PTPRN2: variants seen among roughly 807,000 people sequenced by gnomAD.
The protein encoded by PTPRN2 is protein tyrosine phosphatase receptor type N2, also known as receptor-type tyrosine-protein phosphatase N2.
In PTPRN2, 74 loss-of-function variants were observed where a neutral mutation model predicts 118.8. The ratio of observed to expected loss-of-function variants is 0.62; its 90% CI spans 0.52 to 0.76. The LOEUF (loss-of-function observed/expected upper bound fraction) is 0.76. PTPRN2 is among the 30% of genes least tolerant of loss of function. The pLI is 0.00. For synonymous variants in PTPRN2, 641 were observed against 608.0 expected (o/e 1.05, Z -0.80); for missense variants, 1,481 against 1,394.4 (o/e 1.06, Z -0.99).
At chr7:157,911,767 T>C (rs1476475824) in intron 11 of PTPRN2, among the ~76,000 whole-genome samples, 1 of 152,218 alleles carries the variant, frequency 6.6e-6, no homozygotes, top group East Asian at 1.9e-4. Context: ...TTTCTGTATG[T>C]AGACTTTTTT....
chr7:157,703,562 TAGCAACGTCA>T (rs974505468), intron 12 of PTPRN2, among the ~76,000 whole-genome samples: 4 of 152,288 alleles, frequency 2.6e-5, no homozygotes, highest in African/African-American at 7.2e-5. Flanking sequence ...CTACTGGAGC[TAGCAACGTCA>T]AGCCGTCCAG....
At chr7:158,326,033 G>A (rs1290799615) in intron 2 of PTPRN2, among the ~76,000 whole-genome samples, 2 of 152,192 alleles carry the variant, frequency 1.3e-5, no homozygotes, top group Non-Finnish European at 2.9e-5. Flanking sequence ...AAACAGCAAC[G>A]TTGCAGGGCT....
intron 3 of PTPRN2, among the ~76,000 whole-genome samples, chr7:158,210,738 A>G (rs1446388638): frequency 6.6e-6 from 1 of 152,176 alleles, no homozygotes; most frequent in African/African-American, 2.4e-5. Context: ...AAATTCCTAG[A>G]CACATAGAAT....
chr7:157,865,855 G>A (rs900301242), intron 12 of PTPRN2: 3 of 152,280 alleles, frequency 2.0e-5, no homozygotes, highest in African/African-American at 7.2e-5. Context: ...CAGAGGAGCA[G>A]ACGGGAGGGC....
At chr7:158,071,022 GTGGAGGTGCTCTTAGTA>G (rs1367335102) in intron 11 of PTPRN2, among the ~76,000 whole-genome samples, 12 of 96,172 alleles carry the variant, frequency 1.2e-4, no homozygotes, top group East Asian at 1.2e-3. Flanking sequence ...GGTGCTCGTG[GTGGAGGTGCTCTTAGTA>G]TGGAGGTGCT....
Position 158,338,273 on chromosome 7 carries a change from A to C in PTPRN2, c.164-21341T>G, listed in dbSNP as rs1463173424. Reference sequence around the variant, plus strand: ...TCACTCACACCCACACTCTCACCATAAGCGCTGACACCTGCTGACGTCACT... The same window carrying C: ...TCACTCACACCCACACTCTCACCATCAGCGCTGACACCTGCTGACGTCACT... On this transcript the variant is annotated intron_variant, in intron 2 of 22. Transcript: ENST00000389418. 2.0e-4 allele frequency among the ~76,000 whole-genome samples: 15 copies of C among 74,786 alleles called. 2 individuals are homozygous for C. Among genetic ancestry groups the C allele is most frequent in the African/African-American group, 9.7e-4 (15 of 15,468 alleles). 49.1% of individuals were successfully genotyped at this position (74,786 alleles called of 152,430 possible).
At chr7:158,108,536 C>G (rs1455765269) in intron 10 of PTPRN2, among the ~76,000 whole-genome samples, 2 of 152,234 alleles carry the variant, frequency 1.3e-5, no homozygotes, top group East Asian at 3.9e-4. Context: ...TGTCCCTCCA[C>G]ATCTTTCCTG....
chr7:157,980,781 G>A (rs142544746), intron 11 of PTPRN2, among the ~76,000 whole-genome samples: 216 of 152,248 alleles, frequency 1.4e-3, no homozygotes, highest in Middle Eastern at 3.4e-3. Flanking sequence ...AAGATACTAC[G>A]TGATTGTATT....
At chr7:158,012,747 T>C (rs1806140655) in intron 11 of PTPRN2, among the ~76,000 whole-genome samples, 1 of 152,180 alleles carries the variant, frequency 6.6e-6, no homozygotes, top group Non-Finnish European at 1.5e-5. Flanking sequence ...GGCCATCACA[T>C]CTGCATTCCA....
intron 12 of PTPRN2, among the ~76,000 whole-genome samples, chr7:157,707,526 A>G (rs1008158911): frequency 5.3e-5 from 8 of 152,190 alleles, no homozygotes; most frequent in South Asian, 2.1e-4. Flanking sequence ...AGCTTCAGGG[A>G]AGACTTGATC....
chr7:157,926,447 A>C (rs1350167216), intron 11 of PTPRN2, among the ~76,000 whole-genome samples: 2 of 152,256 alleles, frequency 1.3e-5, no homozygotes, highest in African/African-American at 4.8e-5. Flanking sequence ...AATGCATCTC[A>C]TCAAATTCTG....
chr7:157,543,632 A>G (rs147953620), intron 22 of PTPRN2, among the ~76,000 whole-genome samples: 1 of 152,362 alleles, frequency 6.6e-6, no homozygotes, highest in Non-Finnish European at 1.5e-5. Flanking sequence ...GCTTATGTTT[A>G]TATTTGTAAT....
At chr7:157,639,812 A>G (rs1585151706) in intron 14 of PTPRN2, among the ~76,000 whole-genome samples, 1 of 152,272 alleles carries the variant, frequency 6.6e-6, no homozygotes, top group East Asian at 1.9e-4. Context: ...GTGTGCTCAC[A>G]CCACAGGAAT....
chr7:157,696,078 C>T (rs2707928), intron 12 of PTPRN2, among the ~76,000 whole-genome samples: 1 of 138,230 alleles, frequency 7.2e-6, no homozygotes, highest in Non-Finnish European at 1.6e-5. Context: ...CACCATCTAC[C>T]CATGCATACT....
chr7:158,335,531 C>A (rs1805390927), intron 2 of PTPRN2, among the ~76,000 whole-genome samples: 1 of 41,892 alleles, frequency 2.4e-5, no homozygotes, highest in African/African-American at 8.9e-5. Flanking sequence ...TAAGAGTTGA[C>A]ACCTGCAGAT....
intron 13 of PTPRN2, among the ~76,000 whole-genome samples, chr7:157,681,957 C>T (rs557031000): frequency 1.3e-5 from 2 of 152,282 alleles, no homozygotes; most frequent in South Asian, 4.1e-4. Context: ...AATATCTTCT[C>T]GGAATTAAAT....
At position 157,617,865 on chromosome 7, in the gene PTPRN2, T is replaced by C. The variant is rs1020704676; in HGVS notation, c.2344+3497A>G. On this transcript the variant is annotated intron_variant, in intron 15 of 22. Transcript: ENST00000389418. The surrounding 1 kb of genome is among the most constrained non-coding windows in gnomAD (Gnocchi z 7.5). ...CTCTGCATTGTTTGTCCTGGTTCTC[T>C]CTCTCTCTCTCGTTATTACAACATA... is the stretch of plus-strand genomic sequence containing the variant. The C allele has an allele frequency of 3.3e-5, 5 of 152,278 alleles. No individual in the cohort carries two copies. Among genetic ancestry groups the C allele is most frequent in the African/African-American group, 1.2e-4 (5 of 41,470 alleles). 9.4% of individuals were successfully genotyped at this position (152,278 alleles called of 1,614,324 possible).
At chr7:158,576,797 C>G (rs1474540016) in intron 1 of PTPRN2, among the ~76,000 whole-genome samples, 8 of 147,648 alleles carry the variant, frequency 5.4e-5, no homozygotes, top group East Asian at 2.0e-4. Context: ...ACTGAGGGCT[C>G]CCCACCCTGC....
At chr7:158,066,769 C>T (rs1810807771) in intron 11 of PTPRN2, among the ~76,000 whole-genome samples, 1 of 151,876 alleles carries the variant, frequency 6.6e-6, no homozygotes, top group South Asian at 2.1e-4. Context: ...GCAAGGCTGG[C>T]AGGTGACTCT....
Sources: allele counts gnomAD v4.1 joint callset (sites outside exome capture counted in the v4.1 genomes callset), GRCh38; gene constraint gnomAD v4.1.1; non-coding constraint Gnocchi (gnomAD v3.1); transcripts MANE v1.5; gene names NCBI Gene and HGNC (gene_info 2026-07-23, HGNC 2026-07-21).